NRG2: variants seen among roughly 807,000 people sequenced by gnomAD.
NRG2 encodes neuregulin 2.
Under a neutral mutation model 73.9 loss-of-function variants are expected in NRG2, and 27 were observed. The observed-to-expected ratio is 0.37, with a 90% CI of 0.27 to 0.50. The LOEUF (loss-of-function observed/expected upper bound fraction) is 0.50. Among genes scored for constraint, NRG2 ranks in the 20% least tolerant of loss-of-function variants. The pLI, the probability that NRG2 is intolerant of heterozygous loss-of-function variation, is 0.96. For missense variants in NRG2, 1,126 were observed against 1,210.1 expected, an observed-to-expected ratio of 0.93 and a Z score of 1.03; for synonymous variants, 532 against 541.0, an observed-to-expected ratio of 0.98 and a Z score of 0.23.
At chr5:139,874,316 C>T (rs1763042906) in intron 3 of NRG2, among the ~76,000 whole-genome samples, 1 of 152,208 alleles carries the variant, frequency 6.6e-6, no homozygotes. Flanking sequence ...GAGGATGGCT[C>T]ACAGCACCCC....
intron 1 of NRG2, among the ~76,000 whole-genome samples, chr5:140,038,427 A>G (rs756508938): frequency 5.3e-5 from 8 of 152,258 alleles, no homozygotes; most frequent in Admixed American, 4.6e-4. Context: ...TCCCATTAAC[A>G]CTAATCAGCA....
At position 139,938,787 on chromosome 5, in the gene NRG2, G is replaced by T. The variant is rs186858985; in HGVS notation, c.701-51276C>A. On this transcript the variant is annotated intron_variant, in intron 1 of 9. Transcript: ENST00000361474. ...AGGCAATTCAAGGGGATTCTTGGGG[G>T]GAAAAGGATAATCTTTTTAACAAAC... is the stretch of plus-strand genomic sequence containing the variant. 1.1e-4 allele frequency among the ~76,000 whole-genome samples: 17 copies of T among 149,706 alleles called. No individual in the cohort carries two copies. In the South Asian group the frequency reaches 3.6e-3, roughly 32 times the overall value.
intron 1 of NRG2, among the ~76,000 whole-genome samples, chr5:139,917,718 GTTCA>G (rs1272261205): frequency 5.3e-5 from 8 of 152,064 alleles, no homozygotes; most frequent in African/African-American, 1.9e-4. Flanking sequence ...AATTGAATAT[GTTCA>G]TTTTTAGTTG....
chr5:139,874,739 T>G (rs1490366626), intron 3 of NRG2, among the ~76,000 whole-genome samples: 1 of 152,158 alleles, frequency 6.6e-6, no homozygotes, highest in Non-Finnish European at 1.5e-5. Context: ...GCCCCCAACT[T>G]CTTCCCAGGT....
At chr5:139,967,982 T>C (rs1706409670) in intron 1 of NRG2, among the ~76,000 whole-genome samples, 1 of 147,936 alleles carries the variant, frequency 6.8e-6, no homozygotes, top group South Asian at 2.1e-4. Context: ...TAAAAATAAA[T>C]AAATAAATAA....
rs1235474495 is a variant in NRG2, at chr5:139,957,305, CTCTGTGTG to C, written c.701-69802_701-69795del. ...GGTCACCATCCCCCCACTCAAGAAT[CTCTGTGTG>C]TGTGTGTGTGTGTGTGTGTGTGTGT... On this transcript the variant is annotated intron_variant, in intron 1 of 9. Coordinates refer to ENST00000361474, the MANE Select transcript of NRG2 (RefSeq NM_004883.3). 1.4e-4 allele frequency among the ~76,000 whole-genome samples: 17 copies of C among 123,978 alleles called. No individual in the cohort carries two copies. The East Asian group carries it at 2.1e-3, about 15-fold the overall frequency. 81.3% of individuals were successfully genotyped at this position (123,978 alleles called of 152,430 possible).
intron 1 of NRG2, among the ~76,000 whole-genome samples, chr5:140,010,421 G>T (rs1759268644): frequency 6.6e-6 from 1 of 152,146 alleles, no homozygotes; most frequent in African/African-American, 2.4e-5. Flanking sequence ...GGTGATAATG[G>T]CGTGTCAATG....
At chr5:139,909,311 A>T (rs1765442546) in intron 1 of NRG2, among the ~76,000 whole-genome samples, 1 of 152,178 alleles carries the variant, frequency 6.6e-6, no homozygotes, top group Non-Finnish European at 1.5e-5. Context: ...TGAAAGGGGA[A>T]AAAACCCCAT....
At chr5:140,024,717 T>C (rs1028435957) in intron 1 of NRG2, among the ~76,000 whole-genome samples, 1 of 151,998 alleles carries the variant, frequency 6.6e-6, no homozygotes, top group Non-Finnish European at 1.5e-5. Context: ...CCCTAACCCC[T>C]CCCATCCAAT....
At chr5:140,002,849 G>GGAT in intron 1 of NRG2, among the ~76,000 whole-genome samples, 3 of 152,296 alleles carry the variant, frequency 2.0e-5, no homozygotes, top group Non-Finnish European at 4.4e-5. Context: ...TGGACCAAGT[G>GGAT]GATAATTGGG....
chr5:139,904,319 G>A lies in NRG2; in HGVS notation c.701-16808C>T. ...GGAGGTGCCCTACCTTTCTCCCCGGGATCGGGCTCCCTCTCCCGCTTCCTC... is the reference window on the plus strand; with the variant it reads ...GGAGGTGCCCTACCTTTCTCCCCGGAATCGGGCTCCCTCTCCCGCTTCCTC... On this transcript the variant is annotated intron_variant, in intron 1 of 9. Transcript: ENST00000361474. The surrounding 1 kb of genome is among the most constrained non-coding windows in gnomAD (Gnocchi z 6.0). The A allele has an allele frequency of 6.3e-7, 1 of 1,591,676 alleles. No individual in the cohort carries two copies. The highest frequency in any genetic ancestry group is 8.5e-7 in the Non-Finnish European group (1 of 1,177,220).
chr5:139,974,532 A>G (rs1203068972), intron 1 of NRG2, among the ~76,000 whole-genome samples: 2 of 152,222 alleles, frequency 1.3e-5, no homozygotes, highest in East Asian at 3.8e-4. Context: ...TCGAACAGCA[A>G]GGTGTCAGGT....
intron 2 of NRG2, among the ~76,000 whole-genome samples, chr5:139,883,067 C>T (rs571009362): frequency 1.3e-5 from 2 of 152,154 alleles, no homozygotes; most frequent in East Asian, 3.9e-4. Flanking sequence ...TCAGCCCCTG[C>T]AGGAACTGGA....
chr5:140,033,410 G>C (rs146396532), intron 1 of NRG2, among the ~76,000 whole-genome samples: 1 of 152,352 alleles, frequency 6.6e-6, no homozygotes, highest in African/African-American at 2.4e-5. Flanking sequence ...GTTTGAAAGA[G>C]ACACTGTGAG....
At chr5:139,858,318 C>G (rs557646294) in intron 5 of NRG2, among the ~76,000 whole-genome samples, 8 of 152,220 alleles carry the variant, frequency 5.3e-5, no homozygotes, top group Non-Finnish European at 1.0e-4. Context: ...AGGACTCCCC[C>G]CTGGTTGTTT....
rs1761130514 is a variant in NRG2, at chr5:139,848,209, T to C, written c.2261A>G (p.Gln754Arg). ...RRSRLNGLAAQRARAARDSLS... is the reference protein window; with the variant it reads ...RRSRLNGLAARRARAARDSLS... Reference sequence around the variant, plus strand: ...CGAGTCCCTCGCCGCCCGTGCGCGCTGCGCCGCCAGCCCGTTGAGGCGCGA... The same window carrying C: ...CGAGTCCCTCGCCGCCCGTGCGCGCCGCGCCGCCAGCCCGTTGAGGCGCGA... Residue 754 changes from glutamine (Q) to arginine (R), a missense_variant, in exon 10 of 10, where the codon CAG becomes CGG. Gln to Arg is a conservative substitution (Grantham distance 43). This residue lies in a region of NRG2 where 402 missense variants were observed against 357.8 expected (regional missense o/e 1.12). Coordinates refer to ENST00000361474, the MANE Select transcript of NRG2 (RefSeq NM_004883.3). The C allele has an allele frequency of 1.6e-6, 2 of 1,284,686 alleles. No homozygotes were observed. The highest frequency in any genetic ancestry group is 1.6e-5 in the African/African-American group (1 of 63,378). The allele number at this position is 1,284,686 out of a possible 1,614,324, so 79.6% of individuals were successfully genotyped here.
rs558361807 is a variant in NRG2, at chr5:139,900,988, C to T, written c.701-13477G>A. On this transcript the variant is annotated intron_variant, in intron 1 of 9. Coordinates refer to ENST00000361474, the MANE Select transcript of NRG2 (RefSeq NM_004883.3). The stretch of plus-strand genomic sequence containing the variant: ...ACAGGCCAGAGGGCCTAGGTCTCCA[C>T]CTAGGAGAAGGAATGGCCCAGCTCA... Among the ~76,000 whole-genome samples, 7 of 152,358 alleles carry T rather than the reference C, an allele frequency of 4.6e-5. No individual in the cohort carries two copies. The South Asian group carries it at 1.4e-3, about 32-fold the overall frequency.
chr5:139,939,633 C>A (rs1753237171), intron 1 of NRG2, among the ~76,000 whole-genome samples: 1 of 151,990 alleles, frequency 6.6e-6, no homozygotes, highest in Admixed American at 6.6e-5. Flanking sequence ...ACTAGGACTT[C>A]AAAATTTAAA....
chr5:140,042,943 T>C lies in NRG2; in HGVS notation c.127A>G (p.Ser43Gly). 1.9e-6 allele frequency: 3 copies of C among 1,543,214 alleles called. No homozygotes were observed. Among genetic ancestry groups the C allele is most frequent in the Non-Finnish European group, 2.6e-6 (3 of 1,146,482 alleles). ...CTGCTGCTCCTGCTGCTGCTGCCGC[T>C]CTCGCTGCTGCTGCTGCTGCTGCTG... ...SSSSSSSSSE[S>G]GSSSRSSSNN... is the part of the protein sequence containing the mutation. Residue 43 changes from serine (S) to glycine (G), a missense_variant, in exon 1 of 10, where the codon AGC becomes GGC. Physicochemically the swap from Ser to Gly is moderately conservative, Grantham distance 56. Around this residue, in one of 3 missense-constraint regions of NRG2, gnomAD observed 185 missense variants for 149.0 expected, o/e 1.24. Coordinates refer to ENST00000361474, the MANE Select transcript of NRG2 (RefSeq NM_004883.3).
Sources: gnomAD v4.1 joint callset for allele counts (sites outside exome capture counted in the v4.1 genomes callset) on GRCh38, gnomAD v4.1.1 for gene constraint, gnomAD v4.1.1 regional missense constraint, Gnocchi (gnomAD v3.1) non-coding constraint, MANE v1.5 for transcripts, NCBI Gene and HGNC (gene_info 2026-07-23, HGNC 2026-07-21) for gene names.